GSTCD: variants seen among roughly 807,000 people sequenced by gnomAD.
The protein encoded by GSTCD is glutathione S-transferase C-terminal domain containing.
GSTCD carries 44 observed loss-of-function variants against 68.3 expected under a neutral mutation model. That is an observed-to-expected ratio of 0.64 (90% confidence interval 0.51 to 0.83). GSTCD has a LOEUF of 0.83. GSTCD is among the 40% of genes least tolerant of loss of function. GSTCD has a pLI of 0.00. For missense variants in GSTCD, 739 were observed against 735.9 expected, an observed-to-expected ratio of 1.00 and a Z score of -0.05; for synonymous variants, 273 against 255.2, an observed-to-expected ratio of 1.07 and a Z score of -0.67.
chr4:105,837,816 T>A, intron 9 of GSTCD, 43 bp from the exon 10 acceptor site: 1 of 816,620 alleles, frequency 1.2e-6, no homozygotes, highest in East Asian at 2.8e-5. Flanking sequence ...ATCTTACTCT[T>A]AATATTTAGA....
chr4:105,732,088 G>T (rs550790053), intron 5 of GSTCD, among the ~76,000 whole-genome samples: 1 of 152,148 alleles, frequency 6.6e-6, no homozygotes, highest in African/African-American at 2.4e-5. Context: ...TGCTGGATTC[G>T]GGTTGCCAGT....
At chr4:105,776,214 C>G (rs1278816667) in intron 5 of GSTCD, among the ~76,000 whole-genome samples, 1 of 152,132 alleles carries the variant, frequency 6.6e-6, no homozygotes, top group African/African-American at 2.4e-5. Flanking sequence ...TCCAAAGTTG[C>G]CTTCAGACTG....
intron 5 of GSTCD, among the ~76,000 whole-genome samples, chr4:105,779,220 T>C (rs1486974869): frequency 2.0e-5 from 3 of 152,182 alleles, no homozygotes; most frequent in East Asian, 3.8e-4. Context: ...CAGTCTTTCT[T>C]TGTCTTTCTT....
chr4:105,804,828 C>T (rs377702104), intron 5 of GSTCD, among the ~76,000 whole-genome samples: 18 of 151,960 alleles, frequency 1.2e-4, no homozygotes, highest in African/African-American at 4.1e-4. Context: ...GTGTGTGTTG[C>T]TCCCCTGCCA....
chr4:105,845,749 C>T lies in GSTCD; in HGVS notation c.*172C>T. ...GAAGTAAAGGCTCCCTGCAAAGCAT[C>T]ACAAATGCTTTACAATGTGTGATTA... On this transcript the variant is annotated 3_prime_UTR_variant, in exon 12 of 12. Coordinates refer to ENST00000515279, the MANE Select transcript of GSTCD (RefSeq NM_001370181.1). The T allele has an allele frequency of 1.6e-6, 1 of 624,318 alleles. No individual in the cohort carries two copies. Among genetic ancestry groups the T allele is most frequent in the African/African-American group, 1.8e-5 (1 of 54,620 alleles). 38.7% of individuals were successfully genotyped at this position (624,318 alleles called of 1,614,324 possible). A position where few individuals can be genotyped will look rare whatever the true frequency, so the allele number is the denominator to read the frequency against.
intron 5 of GSTCD, among the ~76,000 whole-genome samples, chr4:105,773,954 G>A (rs1734954143): frequency 6.6e-6 from 1 of 152,096 alleles, no homozygotes; most frequent in Non-Finnish European, 1.5e-5. Flanking sequence ...TGACAGTGGG[G>A]TGTTAAAGTC....
At chr4:105,824,969 C>G (rs565505417) in intron 7 of GSTCD, among the ~76,000 whole-genome samples, 1 of 152,292 alleles carries the variant, frequency 6.6e-6, no homozygotes, top group African/African-American at 2.4e-5. Flanking sequence ...TATGTTACTT[C>G]CCCATGAAAA....
At chr4:105,711,477 T>G (rs1006762218) in intron 1 of GSTCD, among the ~76,000 whole-genome samples, 1 of 152,248 alleles carries the variant, frequency 6.6e-6, no homozygotes, top group African/African-American at 2.4e-5. Context: ...GAAAGAAGCT[T>G]GAAAATATAA....
chr4:105,727,045 A>G (rs1440549547), intron 4 of GSTCD, among the ~76,000 whole-genome samples: 1 of 150,896 alleles, frequency 6.6e-6, no homozygotes, highest in African/African-American at 2.4e-5. Flanking sequence ...TTTGGAGCCA[A>G]GTAAGTCACA....
intron 5 of GSTCD, among the ~76,000 whole-genome samples, chr4:105,804,541 T>C (rs890394951): frequency 2.0e-5 from 3 of 152,146 alleles, no homozygotes; most frequent in African/African-American, 7.2e-5. Context: ...GAGGGTGTTG[T>C]AGAAATTCAT....
At chr4:105,776,306 C>CT (rs1195897606) in intron 5 of GSTCD, among the ~76,000 whole-genome samples, 3 of 152,162 alleles carry the variant, frequency 2.0e-5, no homozygotes, top group Admixed American at 2.0e-4. Context: ...AGCTAGACCA[C>CT]TTGGCCCCCT....
At chr4:105,797,837 C>T (rs780531678) in intron 5 of GSTCD, among the ~76,000 whole-genome samples, 22 of 138,784 alleles carry the variant, frequency 1.6e-4, no homozygotes, top group African/African-American at 1.7e-4. Context: ...TGCAATGGTG[C>T]GATCTTGGCT....
At chr4:105,837,019 G>T (rs1209568360) in intron 9 of GSTCD, among the ~76,000 whole-genome samples, 1 of 152,128 alleles carries the variant, frequency 6.6e-6, no homozygotes, top group South Asian at 2.1e-4. Context: ...ATTAATAAAA[G>T]ACAATGTTTA....
chr4:105,733,974 G>A (rs899954061), intron 5 of GSTCD, among the ~76,000 whole-genome samples: 29 of 152,240 alleles, frequency 1.9e-4, no homozygotes, highest in Admixed American at 1.8e-3. Context: ...ATGAAATTCT[G>A]GGTTGAAAAT....
At chr4:105,728,724 A>G (rs1325497108) in intron 4 of GSTCD, among the ~76,000 whole-genome samples, 5 of 136,808 alleles carry the variant, frequency 3.7e-5, no homozygotes, top group Non-Finnish European at 7.9e-5. Context: ...TAGACTGTGT[A>G]CCTGGAATGT....
intron 5 of GSTCD, among the ~76,000 whole-genome samples, chr4:105,737,941 CTT>C (rs1453758844): frequency 2.0e-5 from 3 of 152,150 alleles, no homozygotes; most frequent in Admixed American, 6.6e-5. Context: ...AGTTCTCACT[CTT>C]AGTTCCCATG....
At chr4:105,804,355 A>T (rs1736249810) in intron 5 of GSTCD, among the ~76,000 whole-genome samples, 1 of 152,106 alleles carries the variant, frequency 6.6e-6, no homozygotes, top group East Asian at 1.9e-4. Flanking sequence ...TAATCCCCTA[A>T]ATTATAGTAT....
intron 11 of GSTCD, 26 bp from the exon 12 acceptor site, chr4:105,845,415 C>T (rs867691126): frequency 6.2e-7 from 1 of 1,613,710 alleles, no homozygotes; most frequent in Admixed American, 1.7e-5. Context: ...AAGGGTGTCT[C>T]ATGATACCAT....
At chr4:105,735,090 A>T (rs1733411263) in intron 5 of GSTCD, among the ~76,000 whole-genome samples, 3 of 152,106 alleles carry the variant, frequency 2.0e-5, no homozygotes, top group Admixed American at 2.0e-4. Flanking sequence ...TTCTGCCCCT[A>T]CTGGGGAGTG....
Sources: gnomAD v4.1 joint callset for allele counts (sites outside exome capture counted in the v4.1 genomes callset) on GRCh38, gnomAD v4.1.1 for gene constraint, MANE v1.5 for transcripts, NCBI Gene and HGNC (gene_info 2026-07-23, HGNC 2026-07-21) for gene names.